SORCS3: variants seen among roughly 807,000 people sequenced by gnomAD.
The protein encoded by SORCS3 is VPS10 domain-containing receptor SorCS3.
Under a neutral mutation model 146.3 loss-of-function variants are expected in SORCS3, and 57 were observed. The ratio of observed to expected loss-of-function variants is 0.39; its 90% CI spans 0.31 to 0.49. The LOEUF is 0.49. Among genes scored for constraint, SORCS3 ranks in the 20% least tolerant of loss-of-function variants. The probability of loss-of-function intolerance (pLI) is 0.92; values close to 1 mark genes in which losing one functional copy is unlikely to be tolerated. For synonymous variants in SORCS3, 653 were observed against 618.5 expected, an observed-to-expected ratio of 1.06 and a Z score of -0.83; for missense variants, 1,341 against 1,575.5, an observed-to-expected ratio of 0.85 and a Z score of 2.52.
chr10:104,890,242 A>T (rs1826654371), intron 2 of SORCS3, among the ~76,000 whole-genome samples: 1 of 152,076 alleles, frequency 6.6e-6, no homozygotes, highest in South Asian at 2.1e-4. Context: ...ATTTCTTAAA[A>T]TATTTTTCTC....
chr10:104,893,415 G>A (rs996167125), intron 2 of SORCS3, among the ~76,000 whole-genome samples: 1 of 152,166 alleles, frequency 6.6e-6, no homozygotes, highest in Admixed American at 6.5e-5. Flanking sequence ...GGCCTCTTCT[G>A]TCCACTCCCC....
chr10:105,252,378 G>T (rs1197267872), intron 22 of SORCS3, among the ~76,000 whole-genome samples: 4 of 152,156 alleles, frequency 2.6e-5, no homozygotes, highest in Non-Finnish European at 5.9e-5. Flanking sequence ...CTTTAAATTT[G>T]CATTTTCCCA....
chr10:105,242,963 A>G (rs1053446736), intron 20 of SORCS3, among the ~76,000 whole-genome samples: 6 of 123,634 alleles, frequency 4.9e-5, no homozygotes, highest in African/African-American at 1.9e-4. Flanking sequence ...TATATTATAT[A>G]TTGTATGATA....
At chr10:105,103,706 G>T (rs925938144) in intron 6 of SORCS3, among the ~76,000 whole-genome samples, 4 of 152,142 alleles carry the variant, frequency 2.6e-5, no homozygotes, top group African/African-American at 9.7e-5. Flanking sequence ...TTGATGGGGC[G>T]AATGGAATCA....
At chr10:105,102,748 T>A (rs1033160479) in intron 6 of SORCS3, among the ~76,000 whole-genome samples, 6 of 150,950 alleles carry the variant, frequency 4.0e-5, no homozygotes, top group Non-Finnish European at 8.9e-5. Flanking sequence ...GTTTGGCCTG[T>A]ACCATCTTTT....
chr10:105,022,418 T>C (rs1331132677), intron 4 of SORCS3, among the ~76,000 whole-genome samples: 2 of 150,970 alleles, frequency 1.3e-5, no homozygotes, highest in Admixed American at 1.3e-4. Context: ...CTGCCTCAGC[T>C]CCCTGAGTAG....
intron 1 of SORCS3, among the ~76,000 whole-genome samples, chr10:104,656,991 C>T (rs1269888207): frequency 9.8e-5 from 15 of 152,336 alleles, no homozygotes; most frequent in Non-Finnish European, 1.5e-5. Context: ...TGAATGGGAC[C>T]TTCTTCCCCA....
At chr10:105,102,257 A>G (rs2055790193) in intron 6 of SORCS3, among the ~76,000 whole-genome samples, 1 of 152,226 alleles carries the variant, frequency 6.6e-6, no homozygotes, top group South Asian at 2.1e-4. Flanking sequence ...TATTCACAAT[A>G]GCAAAAACAT....
chr10:104,843,746 A>C (rs1211576054), intron 2 of SORCS3, among the ~76,000 whole-genome samples: 1 of 152,222 alleles, frequency 6.6e-6, no homozygotes, highest in Non-Finnish European at 1.5e-5. Context: ...CATCCATACG[A>C]CCACATTGAC....
At chr10:104,912,757 G>T (rs947408653) in intron 2 of SORCS3, among the ~76,000 whole-genome samples, 1 of 152,174 alleles carries the variant, frequency 6.6e-6, no homozygotes, top group African/African-American at 2.4e-5. Context: ...AGTCTTCAAG[G>T]AGTTACAGCC....
At chr10:105,037,586 C>G (rs1413128596) in intron 4 of SORCS3, among the ~76,000 whole-genome samples, 1 of 152,126 alleles carries the variant, frequency 6.6e-6, no homozygotes, top group Non-Finnish European at 1.5e-5. Flanking sequence ...ATGGAGTTCT[C>G]CTTATGTGTC....
intron 1 of SORCS3, among the ~76,000 whole-genome samples, chr10:104,831,821 C>T (rs541156416): frequency 4.6e-5 from 7 of 152,254 alleles, no homozygotes; most frequent in African/African-American, 1.7e-4. Context: ...TCTGATTTTT[C>T]ACTCAGAACA....
intron 3 of SORCS3, among the ~76,000 whole-genome samples, chr10:104,960,831 A>T (rs1367064769): frequency 6.6e-6 from 1 of 152,176 alleles, no homozygotes; most frequent in African/African-American, 2.4e-5. Context: ...CAGGGTTAGC[A>T]GGTGAACATA....
chr10:105,222,131 T>C (rs1421494837), intron 19 of SORCS3, among the ~76,000 whole-genome samples: 2 of 144,730 alleles, frequency 1.4e-5, no homozygotes, highest in Non-Finnish European at 3.0e-5. Flanking sequence ...CGATTTTGGC[T>C]CACTGCATCC....
Position 105,089,853 on chromosome 10 carries a change from C to T in SORCS3, c.1093+14C>T. 1.9e-6 allele frequency: 3 copies of T among 1,611,628 alleles called. No homozygotes were observed. Among genetic ancestry groups the T allele is most frequent in the Non-Finnish European group, 2.5e-6 (3 of 1,177,772 alleles). The stretch of plus-strand genomic sequence containing the variant: ...CCACGGATGGATGTGAGTTCTGCTA[C>T]AGCCAGGCTAGGCCCAGGGAGATCT... On this transcript the variant is annotated intron_variant, in intron 6 of 26. Transcript: ENST00000369701.
chr10:104,906,796 A>C (rs572430157), intron 2 of SORCS3, among the ~76,000 whole-genome samples: 4 of 152,114 alleles, frequency 2.6e-5, no homozygotes, highest in Non-Finnish European at 5.9e-5. Flanking sequence ...CAATCACTTT[A>C]TTGCTATAAT....
At chr10:105,183,456 A>G (rs755311291) in intron 14 of SORCS3, among the ~76,000 whole-genome samples, 1 of 152,212 alleles carries the variant, frequency 6.6e-6, no homozygotes, top group African/African-American at 2.4e-5. Context: ...CAGCCTTAGC[A>G]CAACGCAGAG....
intron 3 of SORCS3, among the ~76,000 whole-genome samples, chr10:104,954,031 G>A (rs1031934921): frequency 6.6e-6 from 1 of 152,140 alleles, no homozygotes; most frequent in Non-Finnish European, 1.5e-5. Flanking sequence ...TGGTCACATG[G>A]GAAGTTCAAG....
At chr10:105,056,821 A>C (rs1156743764) in intron 5 of SORCS3, among the ~76,000 whole-genome samples, 1 of 152,232 alleles carries the variant, frequency 6.6e-6, no homozygotes, top group Admixed American at 6.5e-5. Context: ...ACTAAACTGA[A>C]GATAATCATT....
Sources: allele counts gnomAD v4.1 joint callset (sites outside exome capture counted in the v4.1 genomes callset), GRCh38; gene constraint gnomAD v4.1.1; transcripts MANE v1.5; gene names NCBI Gene and HGNC (gene_info 2026-07-23, HGNC 2026-07-21).